The following ACMSD variants were observed in gnomAD, a reference collection of about 807,000 sequenced individuals.
ACMSD encodes the protein 2-amino-3-carboxymuconate-6-semialdehyde decarboxylase.
ACMSD carries 37 observed loss-of-function variants against 45.9 expected under a neutral mutation model. That is an observed-to-expected ratio of 0.81 (90% CI 0.62 to 1.06). ACMSD has a LOEUF of 1.06. Ranked by LOEUF, ACMSD falls within the 50% of genes least tolerant of loss-of-function variation. ACMSD has a pLI of 0.00. For synonymous variants in ACMSD, 138 were observed against 148.8 expected, an observed-to-expected ratio of 0.93 and a Z score of 0.53; for missense variants, 434 against 420.9, an observed-to-expected ratio of 1.03 and a Z score of -0.27.
chr2:134,899,612 ATTGT>A (rs1690382768), intron 9 of ACMSD, among the ~76,000 whole-genome samples: 1 of 152,040 alleles, frequency 6.6e-6, no homozygotes. Flanking sequence ...CATGCCTTTT[ATTGT>A]TTATTCTTAT....
chr2:134,857,269 C>A (rs9653175), intron 2 of ACMSD, among the ~76,000 whole-genome samples: 77,160 of 151,772 alleles, frequency 0.51, 20,511 homozygotes, highest in Middle Eastern at 0.82. Flanking sequence ...GAAACCCCGT[C>A]TCTACTAAAA....
At chr2:134,843,016 G>C (rs748477645) in intron 1 of ACMSD, among the ~76,000 whole-genome samples, 4 of 152,192 alleles carry the variant, frequency 2.6e-5, no homozygotes, top group African/African-American at 4.8e-5. Flanking sequence ...AGTAGAGAAA[G>C]AGGGAAATAA....
At chr2:134,862,427 A>C (rs1687888830) in intron 4 of ACMSD, among the ~76,000 whole-genome samples, 1 of 152,146 alleles carries the variant, frequency 6.6e-6, no homozygotes, top group Non-Finnish European at 1.5e-5. Flanking sequence ...GGAAAAACAC[A>C]ATTCAGAAGG....
chr2:134,841,553 A>G (rs1185288405), intron 1 of ACMSD, among the ~76,000 whole-genome samples: 1 of 152,190 alleles, frequency 6.6e-6, no homozygotes, highest in Admixed American at 6.5e-5. Context: ...GGATTCAGGG[A>G]TACTTGATCA....
intron 7 of ACMSD, among the ~76,000 whole-genome samples, chr2:134,872,143 G>C (rs1212057304): frequency 1.3e-5 from 2 of 152,046 alleles, no homozygotes; most frequent in Admixed American, 1.3e-4. Flanking sequence ...ATTTTTAGTA[G>C]AGGTGGGGTT....
At chr2:134,857,820 T>C (rs553031425) in intron 2 of ACMSD, 12 of 150,194 alleles carry the variant, frequency 8.0e-5, no homozygotes, top group Non-Finnish European at 1.2e-4. Flanking sequence ...AGCTGTGGGA[T>C]TGCCATACAT....
rs986819700 is a variant in ACMSD at position 134,863,342 on chromosome 2, C to A, written c.250-53C>A. The A allele has an allele frequency of 2.3e-5, 36 of 1,537,874 alleles. No individual in the cohort carries two copies. In the African/African-American group the frequency reaches 4.4e-4, roughly 19 times the overall value. ...AGGAGGCACTGTTCAGAGTGAATGT[C>A]TAAAAGAAGTAGGTTTTCAACAATG... On this transcript the variant is annotated intron_variant, in intron 4 of 9. Coordinates refer to ENST00000356140, the MANE Select transcript of ACMSD (RefSeq NM_138326.3).
intron 8 of ACMSD, among the ~76,000 whole-genome samples, chr2:134,890,772 T>G (rs982179958): frequency 1.3e-5 from 2 of 151,958 alleles, no homozygotes; most frequent in Non-Finnish European, 2.9e-5. Context: ...TATAAACAAT[T>G]GTTAAATCTG....
At chr2:134,885,431 A>ATT (rs1398708046) in intron 8 of ACMSD, among the ~76,000 whole-genome samples, 1 of 119,282 alleles carries the variant, frequency 8.4e-6, no homozygotes, top group African/African-American at 3.3e-5. Context: ...AAATATATAT[A>ATT]ATATATAAAT....
Position 134,870,947 on chromosome 2 carries a change from GA to G in ACMSD, c.581-17del. The G allele has an allele frequency of 6.2e-7, 1 of 1,606,930 alleles. No individual in the cohort carries two copies. The highest frequency in any genetic ancestry group is 8.5e-7 in the Non-Finnish European group (1 of 1,173,664). Reference sequence around the variant, plus strand: ...TGGGGTGATCATCCCTGAACCTTGTGACTATTTCCTCTTTCAGGAATGCCAG... The same window carrying G: ...TGGGGTGATCATCCCTGAACCTTGTGCTATTTCCTCTTTCAGGAATGCCAG... On this transcript the variant is annotated splice_polypyrimidine_tract_variant and intron_variant, in intron 6 of 9. Transcript: ENST00000356140.
At chr2:134,853,697 C>A (rs1476330578) in intron 2 of ACMSD, among the ~76,000 whole-genome samples, 1 of 151,904 alleles carries the variant, frequency 6.6e-6, no homozygotes, top group Non-Finnish European at 1.5e-5. Flanking sequence ...CTCAAAATTC[C>A]AGCTGGAAAA....
intron 2 of ACMSD, among the ~76,000 whole-genome samples, chr2:134,856,682 T>C (rs1335133519): frequency 6.6e-6 from 1 of 152,192 alleles, no homozygotes; most frequent in Non-Finnish European, 1.5e-5. Flanking sequence ...AGTTATTTGT[T>C]TTCTTGCCAT....
At chr2:134,895,397 AAAG>A (rs1690079727) in intron 8 of ACMSD, among the ~76,000 whole-genome samples, 1 of 148,424 alleles carries the variant, frequency 6.7e-6, no homozygotes, top group African/African-American at 2.5e-5. Context: ...GAAGAAAATT[AAAG>A]AAGACCTAAA....
Position 134,870,984 on chromosome 2 carries a change from C to G in ACMSD, c.600C>G (p.Thr200=). 6.2e-7 allele frequency: 1 copy of G among 1,614,040 alleles called. No individual in the cohort carries two copies. The highest frequency in any genetic ancestry group is 2.2e-5 in the East Asian group (1 of 44,870). ...PWLVGMPAET[T]IAICSMIMGG... is the part of the protein sequence containing the mutation. Reference sequence around the variant, plus strand: ...TTTCAGGAATGCCAGCAGAGACCACCATAGCCATTTGCTCCATGATCATGG... The same window carrying G: ...TTTCAGGAATGCCAGCAGAGACCACGATAGCCATTTGCTCCATGATCATGG... Residue 200 remains threonine, a synonymous_variant, in exon 7 of 10, where the codon ACC becomes ACG. Coordinates refer to ENST00000356140, the MANE Select transcript of ACMSD (RefSeq NM_138326.3).
At chr2:134,856,293 A>C (rs558814379) in intron 2 of ACMSD, among the ~76,000 whole-genome samples, 2 of 152,332 alleles carry the variant, frequency 1.3e-5, no homozygotes, top group East Asian at 3.9e-4. Context: ...ATTTGAATTC[A>C]GGCAATTTTA....
At chr2:134,856,198 C>A (rs1374245521) in intron 2 of ACMSD, among the ~76,000 whole-genome samples, 1 of 152,210 alleles carries the variant, frequency 6.6e-6, no homozygotes. Flanking sequence ...AAGTCATTAT[C>A]ATCCCTATTT....
intron 8 of ACMSD, among the ~76,000 whole-genome samples, chr2:134,895,349 A>ATGTTATATAT (rs138907753): frequency 1.0e-4 from 14 of 139,994 alleles, no homozygotes; most frequent in South Asian, 2.2e-4. Flanking sequence ...ATATATATAT[A>ATGTTATATAT]ACATATATAA....
intron 8 of ACMSD, among the ~76,000 whole-genome samples, chr2:134,885,256 A>AT (rs1491553854): frequency 2.8e-5 from 3 of 108,788 alleles, no homozygotes; most frequent in East Asian, 2.4e-4. Flanking sequence ...ATTTATATAT[A>AT]ATATATATAT....
At position 134,845,275 on chromosome 2, in the gene ACMSD, A is replaced by G; in HGVS notation, c.100A>G (p.Lys34Glu). 6.2e-7 allele frequency: 1 copy of G among 1,614,090 alleles called. No individual in the cohort carries two copies. Among genetic ancestry groups the G allele is most frequent in the Non-Finnish European group, 8.5e-7 (1 of 1,179,988 alleles). The change falls in exon 2 of 10, where the codon AAG becomes GAG. Residue 34 changes from lysine to glutamate, a missense_variant and splice_region_variant. By Grantham distance (56) the Lys-to-Glu change is moderately conservative. Coordinates refer to ENST00000356140, the MANE Select transcript of ACMSD (RefSeq NM_138326.3). The stretch of plus-strand genomic sequence containing the variant: ...CTGGGTGCAGCTCCAACACCACAGC[A>G]AGGTGAGTTTCTTCCAAAGTATGAA... ...GGWVQLQHHS[K>E]GEAKLLKDGK...
Sources: gnomAD v4.1 joint callset for allele counts (sites outside exome capture counted in the v4.1 genomes callset) on GRCh38, gnomAD v4.1.1 for gene constraint, MANE v1.5 for transcripts, NCBI Gene and HGNC (gene_info 2026-07-23, HGNC 2026-07-21) for gene names.